RALGPS2: variants seen among roughly 807,000 people sequenced by gnomAD.
The protein encoded by RALGPS2 is ras-specific guanine nucleotide-releasing factor RalGPS2.
RALGPS2 carries 43 observed loss-of-function variants against 86.8 expected under a neutral mutation model. The ratio of observed to expected loss-of-function variants is 0.50; its 90% CI spans 0.39 to 0.64. The LOEUF is 0.64. RALGPS2 is among the 30% of genes least tolerant of loss of function. The pLI is 0.00. For synonymous variants in RALGPS2, 243 were observed against 231.3 expected, an observed-to-expected ratio of 1.05 and a Z score of -0.46; for missense variants, 536 against 694.6, an observed-to-expected ratio of 0.77 and a Z score of 2.57.
chr1:178,893,673 A>G (rs1205770901), intron 15 of RALGPS2, among the ~76,000 whole-genome samples: 2 of 151,962 alleles, frequency 1.3e-5, no homozygotes, highest in Non-Finnish European at 2.9e-5. Flanking sequence ...TTTCTAAATT[A>G]TACTGTTCAA....
At chr1:178,879,206 ATC>A (rs1399811997) in intron 10 of RALGPS2, 128 of 518,726 alleles carry the variant, frequency 2.5e-4, no homozygotes, top group Non-Finnish European at 3.4e-4. Context: ...TTAATATTTT[ATC>A]TCTGTTTGTA....
chr1:178,798,593 A>G (rs1654315359), intron 4 of RALGPS2, among the ~76,000 whole-genome samples: 1 of 152,166 alleles, frequency 6.6e-6, no homozygotes. Flanking sequence ...GTTGTCTGCC[A>G]TTTCAAGATA....
At chr1:178,884,679 C>G (rs1041166023) in intron 11 of RALGPS2, among the ~76,000 whole-genome samples, 1 of 152,110 alleles carries the variant, frequency 6.6e-6, no homozygotes, top group Non-Finnish European at 1.5e-5. Context: ...TTGACCTACC[C>G]TACACATTCT....
chr1:178,789,983 C>G (rs1321016216), intron 4 of RALGPS2, among the ~76,000 whole-genome samples: 1 of 152,134 alleles, frequency 6.6e-6, no homozygotes, highest in African/African-American at 2.4e-5. Context: ...GGGTCTGGCT[C>G]TGTTCCCCAG....
At chr1:178,844,420 C>T (rs1389181178) in intron 8 of RALGPS2, among the ~76,000 whole-genome samples, 1 of 152,080 alleles carries the variant, frequency 6.6e-6, no homozygotes, top group East Asian at 1.9e-4. Context: ...TTGATACCAC[C>T]AAATTTATCT....
intron 4 of RALGPS2, among the ~76,000 whole-genome samples, chr1:178,794,055 C>T (rs1427493753): frequency 6.6e-6 from 1 of 152,136 alleles, no homozygotes; most frequent in Non-Finnish European, 1.5e-5. Context: ...ACATAGTTCT[C>T]CTCAATATGA....
At chr1:178,773,572 T>A (rs558801690) in intron 1 of RALGPS2, among the ~76,000 whole-genome samples, 1 of 152,156 alleles carries the variant, frequency 6.6e-6, no homozygotes, top group African/African-American at 2.4e-5. Context: ...CTCTCTGTTA[T>A]ACTTCAACAT....
chr1:178,874,635 C>A (rs758220531), intron 8 of RALGPS2, among the ~76,000 whole-genome samples: 14 of 152,132 alleles, frequency 9.2e-5, no homozygotes, highest in Non-Finnish European at 1.6e-4. Context: ...TTTTTTATAT[C>A]TTCTATTGCT....
At chr1:178,885,326 T>C in intron 12 of RALGPS2, 115 bp downstream of exon 12, 5 of 1,037,118 alleles carry the variant, frequency 4.8e-6, no homozygotes, top group South Asian at 2.1e-5. Context: ...TTTTTCTTAA[T>C]AGCTGTTTTC....
chr1:178,885,054 T>A, intron 11 of RALGPS2, 22 bp from the exon 12 acceptor site: 1 of 1,548,716 alleles, frequency 6.5e-7, no homozygotes, highest in Non-Finnish European at 8.7e-7. Context: ...CATTTGAAAA[T>A]CTCTTTAAAT....
At chr1:178,852,765 G>C (rs751357250) in intron 8 of RALGPS2, 10 of 1,613,810 alleles carry the variant, frequency 6.2e-6, no homozygotes, top group Non-Finnish European at 8.5e-6. Flanking sequence ...CATTTCCCTG[G>C]TAAGTTCCCA....
At chr1:178,744,807 G>A (rs1572277809) in intron 1 of RALGPS2, among the ~76,000 whole-genome samples, 5 of 124,708 alleles carry the variant, frequency 4.0e-5, no homozygotes, top group Admixed American at 1.9e-4. Context: ...GACAGAGCGA[G>A]ACTCCATCTC....
chr1:178,821,462 C>T (rs1253835469), intron 6 of RALGPS2, 150 bp from the exon 7 acceptor site: 3 of 577,484 alleles, frequency 5.2e-6, no homozygotes, highest in African/African-American at 3.8e-5. Flanking sequence ...TTAGTGTAAA[C>T]ACAGGGTACT....
chr1:178,829,966 A>G (rs193269837), intron 7 of RALGPS2, among the ~76,000 whole-genome samples: 1 of 152,098 alleles, frequency 6.6e-6, no homozygotes, highest in African/African-American at 2.4e-5. Flanking sequence ...GCTGGTCTCG[A>G]ACTCCTGACC....
intron 8 of RALGPS2, chr1:178,853,014 C>A: frequency 6.5e-7 from 1 of 1,537,488 alleles, no homozygotes. Flanking sequence ...AACATTTTTA[C>A]AGAGCAGTGT....
intron 6 of RALGPS2, among the ~76,000 whole-genome samples, chr1:178,821,057 A>G (rs1429713466): frequency 6.6e-6 from 1 of 152,202 alleles, no homozygotes; most frequent in Non-Finnish European, 1.5e-5. Context: ...TTTTATGCAT[A>G]CAGACTGTAA....
intron 8 of RALGPS2, among the ~76,000 whole-genome samples, chr1:178,873,721 A>G (rs777365804): frequency 1.3e-5 from 2 of 152,206 alleles, no homozygotes; most frequent in Admixed American, 6.5e-5. Flanking sequence ...AATAAAATGG[A>G]TGAGTTACAA....
chr1:178,897,841 GT>G, intron 17 of RALGPS2, 85 bp downstream of exon 17: 3 of 1,109,238 alleles, frequency 2.7e-6, no homozygotes, highest in Non-Finnish European at 2.6e-6. Flanking sequence ...GGATACAAAG[GT>G]TTTTTGGGTT....
chr1:178,828,027 G>A (rs1163020315), intron 7 of RALGPS2, among the ~76,000 whole-genome samples: 2 of 152,252 alleles, frequency 1.3e-5, no homozygotes, highest in African/African-American at 2.4e-5. Context: ...GAAAACACAC[G>A]GGAAAAGCTT....
Sources: allele counts gnomAD v4.1 joint callset (sites outside exome capture counted in the v4.1 genomes callset), GRCh38; gene constraint gnomAD v4.1.1; transcripts MANE v1.5; gene names NCBI Gene and HGNC (gene_info 2026-07-23, HGNC 2026-07-21).